The following KDM4C variants were observed in gnomAD, a reference collection of about 807,000 sequenced individuals.
The protein encoded by KDM4C is lysine-specific demethylase 4C.
In KDM4C, 81 loss-of-function variants were observed where a neutral mutation model predicts 129.3. The observed-to-expected ratio is 0.63, with a 90% confidence interval of 0.52 to 0.75. The LOEUF (loss-of-function observed/expected upper bound fraction) is 0.75, where lower values mean the gene tolerates loss of function less well. Among genes scored for constraint, KDM4C ranks in the 30% least tolerant of loss-of-function variants. KDM4C has a pLI of 0.00. For missense variants in KDM4C, 1,457 were observed against 1,304.0 expected, an observed-to-expected ratio of 1.12 and a Z score of -1.81; for synonymous variants, 573 against 456.1, an observed-to-expected ratio of 1.26 and a Z score of -3.26.
chr9:7,174,756 A>G lies in KDM4C; in HGVS notation c.*27A>G, dbSNP rs1845295470. ...CTGCATACATCGCTGCAGGCCACAG[A>G]GCAGCTTGGGTTGGAAGAGAGAAGA... On this transcript the variant is annotated 3_prime_UTR_variant, in exon 22 of 22. Coordinates refer to ENST00000381309, the MANE Select transcript of KDM4C (RefSeq NM_015061.6). 1.2e-6 allele frequency: 2 copies of G among 1,602,312 alleles called. No homozygotes were observed. Among genetic ancestry groups the G allele is most frequent in the Non-Finnish European group, 1.7e-6 (2 of 1,170,696 alleles).
intron 8 of KDM4C, among the ~76,000 whole-genome samples, chr9:6,976,073 C>CT (rs113940051): frequency 0.24 from 36,966 of 151,834 alleles, 4,985 homozygotes; most frequent in South Asian, 0.46. Flanking sequence ...GGGATTATAC[C>CT]TTTTTTGTTT....
At chr9:6,964,699 G>T (rs10815493) in intron 8 of KDM4C, among the ~76,000 whole-genome samples, 2 of 148,980 alleles carry the variant, frequency 1.3e-5, no homozygotes, top group African/African-American at 2.5e-5. Flanking sequence ...GGAGAATGGC[G>T]TGAACCCGGG....
intron 18 of KDM4C, among the ~76,000 whole-genome samples, chr9:7,105,781 T>A (rs530596893): frequency 3.7e-4 from 56 of 152,276 alleles, no homozygotes; most frequent in Admixed American, 9.2e-4. Context: ...GATCCAGGTG[T>A]TTAATCAGGA....
intron 5 of KDM4C, among the ~76,000 whole-genome samples, chr9:6,874,964 C>A (rs1178661773): frequency 6.6e-6 from 1 of 151,566 alleles, no homozygotes; most frequent in East Asian, 1.9e-4. Flanking sequence ...CTAGGGAGTC[C>A]TGGGAGACAT....
intron 1 of KDM4C, among the ~76,000 whole-genome samples, chr9:6,760,944 G>C (rs1191412399): frequency 6.6e-6 from 1 of 150,432 alleles, no homozygotes; most frequent in Non-Finnish European, 1.5e-5. Flanking sequence ...CAGTTCTCCA[G>C]TTCTCTAAAG....
intron 4 of KDM4C, among the ~76,000 whole-genome samples, chr9:6,816,270 G>T (rs1401199085): frequency 6.6e-6 from 1 of 152,102 alleles, no homozygotes; most frequent in African/African-American, 2.4e-5. Flanking sequence ...AAACAAGCTA[G>T]AAAGTGCATA....
intron 17 of KDM4C, among the ~76,000 whole-genome samples, chr9:7,102,546 G>A (rs1292461767): frequency 6.6e-6 from 1 of 152,114 alleles, no homozygotes; most frequent in East Asian, 1.9e-4. Flanking sequence ...AGTTGGTATA[G>A]ATGGTAGGCA....
chr9:7,088,844 A>G (rs1339642496), intron 17 of KDM4C, among the ~76,000 whole-genome samples: 2 of 151,234 alleles, frequency 1.3e-5, no homozygotes, highest in African/African-American at 4.9e-5. Context: ...TTTTGGAAAA[A>G]AAAGAAAAAG....
intron 5 of KDM4C, among the ~76,000 whole-genome samples, chr9:6,875,190 A>G (rs1843368910): frequency 6.6e-6 from 1 of 152,072 alleles, no homozygotes; most frequent in South Asian, 2.1e-4. Flanking sequence ...ATCATTTGAG[A>G]GTGATATAAG....
intron 17 of KDM4C, among the ~76,000 whole-genome samples, chr9:7,093,113 A>G (rs1835993852): frequency 6.6e-6 from 1 of 152,272 alleles, no homozygotes; most frequent in Non-Finnish European, 1.5e-5. Context: ...AGAACATTTT[A>G]GGTAATGTAG....
At chr9:7,128,464 C>A (rs901954303) in intron 19 of KDM4C, among the ~76,000 whole-genome samples, 12 of 152,166 alleles carry the variant, frequency 7.9e-5, no homozygotes, top group Admixed American at 7.9e-4. Flanking sequence ...CCCTCACGAC[C>A]TAATCACCTC....
Position 7,003,499 on chromosome 9 carries a change from T to C in KDM4C, c.1787-8199T>C, listed in dbSNP as rs188973823. 1.8e-3 allele frequency among the ~76,000 whole-genome samples: 267 copies of C among 152,036 alleles called. 2 individuals carry two copies. The highest frequency in any genetic ancestry group is 6.2e-3 in the African/African-American group (257 of 41,496). ...TTTGGAATGTTTCTTATTTAAAGTG[T>C]ATATAGAGTCATTTGGAATGTATCC... is the stretch of plus-strand genomic sequence containing the variant. On this transcript the variant is annotated intron_variant, in intron 12 of 21. Coordinates refer to ENST00000381309, the MANE Select transcript of KDM4C (RefSeq NM_015061.6).
chr9:6,873,554 A>G (rs1843096107), intron 5 of KDM4C, among the ~76,000 whole-genome samples: 1 of 152,220 alleles, frequency 6.6e-6, no homozygotes, highest in African/African-American at 2.4e-5. Context: ...TCATGGTGCT[A>G]GAGTCCAGCT....
chr9:6,931,500 A>G lies in KDM4C; in HGVS notation c.921+38268A>G, dbSNP rs537970321. Among the ~76,000 whole-genome samples, 32 of 133,564 alleles carry G rather than the reference A, an allele frequency of 2.4e-4. No individual in the cohort carries two copies. In the East Asian group the frequency reaches 7.1e-3, roughly 29 times the overall value. 87.6% of individuals were successfully genotyped at this position (133,564 alleles called of 152,430 possible). A position where few individuals can be genotyped will look rare whatever the true frequency, so the allele number is the denominator to read the frequency against. On this transcript the variant is annotated intron_variant, in intron 8 of 21. Coordinates refer to ENST00000381309, the MANE Select transcript of KDM4C (RefSeq NM_015061.6). ...ATGTCAGTAAGCAATAGTCATATAT[A>G]TATATATTTTTTTTTCATAAGAAAG...
chr9:6,836,812 C>A (rs1166475206), intron 4 of KDM4C, among the ~76,000 whole-genome samples: 1 of 152,012 alleles, frequency 6.6e-6, no homozygotes, highest in South Asian at 2.1e-4. Flanking sequence ...TAATATTCTA[C>A]TTTGTGAATT....
intron 17 of KDM4C, among the ~76,000 whole-genome samples, chr9:7,074,156 T>C (rs1332681213): frequency 6.6e-6 from 1 of 152,112 alleles, no homozygotes; most frequent in African/African-American, 2.4e-5. Context: ...TTTTAAGTGC[T>C]GAGCAAATTT....
chr9:7,047,462 CAT>C (rs1829571027), intron 16 of KDM4C, among the ~76,000 whole-genome samples: 1 of 151,836 alleles, frequency 6.6e-6, no homozygotes, highest in African/African-American at 2.4e-5. Context: ...GAAAGAGAGT[CAT>C]AAGTGAACAT....
chr9:6,808,666 T>A (rs1394572001), intron 3 of KDM4C, among the ~76,000 whole-genome samples: 1 of 131,586 alleles, frequency 7.6e-6, no homozygotes, highest in Non-Finnish European at 1.6e-5. Flanking sequence ...TCCCCCTCTG[T>A]GAGAAACACC....
intron 20 of KDM4C, among the ~76,000 whole-genome samples, chr9:7,166,884 GTC>G (rs144961496): frequency 0.026 from 3,911 of 152,232 alleles, 108 homozygotes; most frequent in East Asian, 0.14. Flanking sequence ...TATTAAAATT[GTC>G]TCTCAAGCAC....
Sources: allele counts gnomAD v4.1 joint callset (sites outside exome capture counted in the v4.1 genomes callset), GRCh38; gene constraint gnomAD v4.1.1; transcripts MANE v1.5; gene names NCBI Gene and HGNC (gene_info 2026-07-23, HGNC 2026-07-21).